The following SEC22C variants were observed in gnomAD, a reference collection of about 807,000 sequenced individuals.
SEC22C encodes the protein vesicle-trafficking protein SEC22c.
A neutral mutation model predicts 34.7 loss-of-function variants in SEC22C; 29 were observed. That is an observed-to-expected ratio of 0.84 (90% CI 0.62 to 1.14). The LOEUF (loss-of-function observed/expected upper bound fraction) is 1.14. Ranked by LOEUF, SEC22C falls within the 50% of genes most tolerant of loss-of-function variation. SEC22C has a pLI of 0.00. For synonymous variants in SEC22C, 117 were observed against 132.8 expected (o/e 0.88, Z 0.82); for missense variants, 337 against 369.0 (o/e 0.91, Z 0.71).
chr3:42,583,587 G>A (rs1278547073), upstream of SEC22C, among the ~76,000 whole-genome samples: 1 of 152,172 alleles, frequency 6.6e-6, no homozygotes, highest in Non-Finnish European at 1.5e-5. Flanking sequence ...AACCTGACTA[G>A]GTTAAGGGAT....
At chr3:42,598,228 G>A (rs1705090002) in intron 1 of SEC22C, among the ~76,000 whole-genome samples, 1 of 151,932 alleles carries the variant, frequency 6.6e-6, no homozygotes, top group Non-Finnish European at 1.5e-5. Context: ...ACATACAATG[G>A]AATATTATTC....
chr3:42,570,063 C>CT (rs527513125), intron 1 of SEC22C, among the ~76,000 whole-genome samples: 1 of 152,178 alleles, frequency 6.6e-6, no homozygotes, highest in Non-Finnish European at 1.5e-5. Context: ...ACAGGATCCT[C>CT]TACTATCAGG....
At chr3:42,569,144 T>G in intron 1 of SEC22C, 71 bp from the exon 2 acceptor site, 1 of 960,230 alleles carries the variant, frequency 1.0e-6, no homozygotes, top group South Asian at 1.6e-5. Flanking sequence ...ACCTGTGAAA[T>G]GCCCACTCTA....
intron 1 of SEC22C, among the ~76,000 whole-genome samples, chr3:42,588,543 T>C (rs1284906792): frequency 6.6e-6 from 1 of 152,236 alleles, no homozygotes; most frequent in Non-Finnish European, 1.5e-5. Flanking sequence ...TGTGTGTATA[T>C]ATACATACCA....
chr3:42,563,919 A>G, intron 2 of SEC22C: 1 of 1,408,158 alleles, frequency 7.1e-7, no homozygotes, highest in Non-Finnish European at 9.4e-7. Context: ...GATCACTCTT[A>G]TTTATTCATG....
At chr3:42,565,928 A>C (rs1259116420) in intron 2 of SEC22C, 1 of 454,486 alleles carries the variant, frequency 2.2e-6, no homozygotes, top group African/African-American at 2.0e-5. Context: ...ATAATGGTAA[A>C]TATTTAATTC....
chr3:42,565,281 C>T (rs1280852418), intron 2 of SEC22C, among the ~76,000 whole-genome samples: 1 of 152,146 alleles, frequency 6.6e-6, no homozygotes, highest in Non-Finnish European at 1.5e-5. Context: ...ATGTTTTCAG[C>T]AGGACGGTTT....
chr3:42,600,976 T>C (rs1705357869), exon 1 of SEC22C: 3 of 1,507,322 alleles, frequency 2.0e-6, no homozygotes, highest in East Asian at 2.6e-5. Flanking sequence ...TCTCCCCCTC[T>C]CTCCCAGCTC....
intron 2 of SEC22C, among the ~76,000 whole-genome samples, chr3:42,566,112 G>C (rs1270751942): frequency 6.6e-6 from 1 of 152,150 alleles, no homozygotes; most frequent in African/African-American, 2.4e-5. Flanking sequence ...GTAAAGGAGA[G>C]ACCATCAAGG....
intron 6 of SEC22C, among the ~76,000 whole-genome samples, chr3:42,554,040 G>A (rs1702381430): frequency 6.6e-6 from 1 of 151,862 alleles, no homozygotes; most frequent in Non-Finnish European, 1.5e-5. Context: ...CACATAAAAG[G>A]GGCCATTCTT....
At chr3:42,576,016 T>C (rs1202380061) in intron 1 of SEC22C, among the ~76,000 whole-genome samples, 1 of 152,162 alleles carries the variant, frequency 6.6e-6, no homozygotes, top group South Asian at 2.1e-4. Flanking sequence ...AAGTGTGTTA[T>C]ATGACCACAG....
intron 1 of SEC22C, among the ~76,000 whole-genome samples, chr3:42,592,053 AAGAC>A (rs1429301621): frequency 1.3e-5 from 2 of 152,202 alleles, no homozygotes; most frequent in Non-Finnish European, 2.9e-5. Context: ...CACACACACA[AAGAC>A]AAACAAAGGA....
rs538798346 is a variant in SEC22C at position 42,563,404 on chromosome 3, A to G, written c.346+119T>C. On this transcript the variant is annotated intron_variant, in intron 3 of 6. Transcript: ENST00000264454. ...TCTCATGGTACAAGTCTGTTCTTCA[A>G]TGACATGTTTTTGCATCTCCAGTGG... is the stretch of plus-strand genomic sequence containing the variant. 1.6e-4 allele frequency: 123 copies of G among 766,040 alleles called. No homozygotes were observed. In the African/African-American group the frequency reaches 1.8e-3, roughly 11 times the overall value. 47.5% of individuals were successfully genotyped at this position (766,040 alleles called of 1,614,324 possible).
At position 42,548,538 on chromosome 3, in the gene SEC22C, CCAG is replaced by C. The variant is rs1702093432; in HGVS notation, c.*4707_*4709del. 6.5e-7 allele frequency: 1 copy of C among 1,534,860 alleles called. No homozygotes were observed. The highest frequency in any genetic ancestry group is 2.3e-5 in the East Asian group (1 of 44,402). Reference sequence around the variant, plus strand: ...CAGGCTCCCTGCTGATGAGATTTCCCCAGCAGCAGAAGTTTGACATCACTGCTC... The same window carrying C: ...CAGGCTCCCTGCTGATGAGATTTCCCCAGCAGAAGTTTGACATCACTGCTC... On this transcript the variant is annotated 3_prime_UTR_variant, in exon 7 of 7. Transcript: ENST00000264454.
chr3:42,564,150 T>C (rs1212995526), intron 2 of SEC22C: 1 of 329,608 alleles, frequency 3.0e-6, no homozygotes, highest in Non-Finnish European at 5.8e-6. Flanking sequence ...TTTGTGTCTA[T>C]GCAAATAAGA....
chr3:42,548,624 T>C lies in SEC22C; in HGVS notation c.*4624A>G. ...GGTCAGGGGTGGCTGGCTCACGAGG[T>C]TTGGTCCAACCAGCAGAACCAGCTC... On this transcript the variant is annotated 3_prime_UTR_variant, in exon 7 of 7. Coordinates refer to ENST00000264454, the MANE Select transcript of SEC22C (RefSeq NM_032970.4). The C allele has an allele frequency of 6.2e-7, 1 of 1,613,146 alleles. No homozygotes were observed. Among genetic ancestry groups the C allele is most frequent in the Non-Finnish European group, 8.5e-7 (1 of 1,179,852 alleles).
intron 4 of SEC22C, among the ~76,000 whole-genome samples, chr3:42,559,878 T>C (rs1702766618): frequency 6.6e-6 from 1 of 152,030 alleles, no homozygotes; most frequent in Non-Finnish European, 1.5e-5. Flanking sequence ...ATCAGCACAC[T>C]GTGATCACGT....
intron 6 of SEC22C, among the ~76,000 whole-genome samples, chr3:42,554,534 G>C (rs1484529287): frequency 6.6e-6 from 1 of 151,934 alleles, no homozygotes; most frequent in Non-Finnish European, 1.5e-5. Context: ...TATTATAATA[G>C]AGATGGGGTT....
intron 5 of SEC22C, among the ~76,000 whole-genome samples, chr3:42,556,745 C>T (rs565466225): frequency 2.0e-5 from 3 of 152,028 alleles, no homozygotes; most frequent in Admixed American, 1.3e-4. Context: ...TTTTTTGAGA[C>T]GGAGTTTTGC....
Sources: gnomAD v4.1 joint callset for allele counts (sites outside exome capture counted in the v4.1 genomes callset) on GRCh38, gnomAD v4.1.1 for gene constraint, MANE v1.5 for transcripts, NCBI Gene and HGNC (gene_info 2026-07-23, HGNC 2026-07-21) for gene names.